Variants in CTIF observed in about 807,000 individuals in gnomAD.
CTIF encodes the protein cap binding complex dependent translation initiation factor.
A neutral mutation model predicts 66.0 loss-of-function variants in CTIF; 21 were observed. The ratio of observed to expected loss-of-function variants is 0.32; its 90% CI spans 0.23 to 0.46. The LOEUF is 0.46. Ranked by LOEUF, CTIF falls within the 20% of genes least tolerant of loss-of-function variation. The pLI is 1.00. For missense variants in CTIF, 739 were observed against 812.7 expected (o/e 0.91, Z 1.10); for synonymous variants, 345 against 326.4 (o/e 1.06, Z -0.62).
intron 10 of CTIF, among the ~76,000 whole-genome samples, chr18:48,856,832 G>C (rs1220701724): frequency 6.6e-6 from 1 of 152,234 alleles, no homozygotes; most frequent in East Asian, 1.9e-4. Flanking sequence ...AAATAGTGGT[G>C]ATGGTTGCAC....
intron 1 of CTIF, among the ~76,000 whole-genome samples, chr18:48,572,113 C>A (rs1453956027): frequency 6.6e-6 from 1 of 152,112 alleles, no homozygotes; most frequent in East Asian, 1.9e-4. Flanking sequence ...CCTTCCCCTC[C>A]CTCCTTTCTC....
chr18:48,641,432 A>T (rs2090928768), intron 3 of CTIF, among the ~76,000 whole-genome samples: 1 of 152,260 alleles, frequency 6.6e-6, no homozygotes. Flanking sequence ...GAACCTGATG[A>T]GCACGACTGC....
chr18:48,747,207 G>A (rs372202518), intron 7 of CTIF, among the ~76,000 whole-genome samples: 4 of 152,312 alleles, frequency 2.6e-5, no homozygotes, highest in Non-Finnish European at 4.4e-5. Context: ...TTCTTCATTC[G>A]TTAGCTCAAA....
At position 48,636,678 on chromosome 18, in the gene CTIF, C is replaced by A. The variant is rs2277712; in HGVS notation, c.245C>A (p.Pro82Gln). ...TCCTTCTCCCGAGGGCGAGCCCCCC[C>A]ACAGCAGGTAGGGAACCAGCTCTGC... ...SCSFSRGRAPPQQNGSKDNSL... is the reference protein window; with the variant it reads ...SCSFSRGRAPQQQNGSKDNSL... The change falls in exon 3 of 12, where the codon CCA becomes CAA. Residue 82 changes from proline (P) to glutamine (Q), a missense_variant. By Grantham distance (76) the Pro-to-Gln change is moderately conservative (BLOSUM62 -1). Transcript: ENST00000256413. 9.4e-6 allele frequency: 15 copies of A among 1,597,880 alleles called. No homozygotes were observed. Among genetic ancestry groups the A allele is most frequent in the African/African-American group, 4.0e-5 (3 of 74,446 alleles).
rs548607742 is a variant in CTIF, at chr18:48,760,343, T to G, written c.1072-1047T>G. ...TTTGGTTCTCAAGCCAGAGACTAGCTGCCCTTGGAACTTGATCCCACCATG... is the reference window on the plus strand; with the variant it reads ...TTTGGTTCTCAAGCCAGAGACTAGCGGCCCTTGGAACTTGATCCCACCATG... On this transcript the variant is annotated intron_variant, in intron 8 of 11. Coordinates refer to ENST00000256413, the MANE Select transcript of CTIF (RefSeq NM_014772.3). 2.0e-5 allele frequency: 3 copies of G among 152,272 alleles called. No homozygotes were observed. The East Asian group carries it at 5.8e-4, about 29-fold the overall frequency. 9.4% of individuals were successfully genotyped at this position (152,272 alleles called of 1,614,324 possible). A position where few individuals can be genotyped will look rare whatever the true frequency, so the allele number is the denominator to read the frequency against.
chr18:48,708,625 A>T (rs983810411), intron 6 of CTIF, among the ~76,000 whole-genome samples: 1 of 152,158 alleles, frequency 6.6e-6, no homozygotes, highest in African/African-American at 2.4e-5. Context: ...CCTGGCCTGG[A>T]TTGTTCCTGG....
intron 10 of CTIF, among the ~76,000 whole-genome samples, chr18:48,833,269 G>A (rs1342678637): frequency 6.6e-6 from 1 of 152,204 alleles, no homozygotes; most frequent in Non-Finnish European, 1.5e-5. Flanking sequence ...AGACTTGCTT[G>A]GCTAACGCTG....
At chr18:48,667,417 T>A (rs1277192465) in intron 5 of CTIF, among the ~76,000 whole-genome samples, 1 of 152,142 alleles carries the variant, frequency 6.6e-6, no homozygotes, top group Non-Finnish European at 1.5e-5. Flanking sequence ...CCTGGGCAGC[T>A]CCAGTCTCTC....
intron 7 of CTIF, among the ~76,000 whole-genome samples, chr18:48,725,974 C>A (rs76555283): frequency 0.016 from 2,380 of 152,230 alleles, 57 homozygotes; most frequent in African/African-American, 0.053. Context: ...GCCTAGACTT[C>A]ATTCGAGTCC....
At chr18:48,549,435 T>C (rs2088831806) in intron 1 of CTIF, among the ~76,000 whole-genome samples, 1 of 152,120 alleles carries the variant, frequency 6.6e-6, no homozygotes, top group African/African-American at 2.4e-5. Context: ...AAACAAGGTG[T>C]TTCAACTCAG....
At chr18:48,686,661 T>A (rs1210407072) in intron 6 of CTIF, among the ~76,000 whole-genome samples, 1 of 152,190 alleles carries the variant, frequency 6.6e-6, no homozygotes, top group Non-Finnish European at 1.5e-5. Context: ...AAAGTGTAGT[T>A]TCCTGGCTAT....
rs1555709753 is a variant in CTIF, at chr18:48,862,062, T to TTAAAGA, written c.*2503_*2504insTAAAGA. The TTAAAGA allele has an allele frequency of 6.6e-6, 1 of 150,456 alleles. No individual in the cohort carries two copies. Among genetic ancestry groups the TTAAAGA allele is most frequent in the African/African-American group, 2.5e-5 (1 of 39,962 alleles). The allele number at this position is 150,456 out of a possible 1,614,324, so 9.3% of individuals were successfully genotyped here. A position where few individuals can be genotyped will look rare whatever the true frequency, so the allele number is the denominator to read the frequency against. On this transcript the variant is annotated 3_prime_UTR_variant, in exon 12 of 12. Transcript: ENST00000256413. ...GAAAACGTTAAGACTATTTTTTTTT[T>TTAAAGA]AAAGAAACAACAGTCAAGCCTAAAA... is the stretch of plus-strand genomic sequence containing the variant.
At chr18:48,838,299 C>T (rs2068858765) in intron 10 of CTIF, among the ~76,000 whole-genome samples, 1 of 152,148 alleles carries the variant, frequency 6.6e-6, no homozygotes. Context: ...GAACTTTCAT[C>T]CCAGGCGAAA....
chr18:48,626,091 C>T (rs190533906), intron 2 of CTIF, among the ~76,000 whole-genome samples: 1 of 150,646 alleles, frequency 6.6e-6, no homozygotes, highest in South Asian at 2.1e-4. Flanking sequence ...AACCTCCCCC[C>T]ACCGCAGGTT....
At chr18:48,801,272 AC>A (rs1381359064) in intron 9 of CTIF, among the ~76,000 whole-genome samples, 1 of 152,022 alleles carries the variant, frequency 6.6e-6, no homozygotes, top group Non-Finnish European at 1.5e-5. Context: ...CTGGTCTATA[AC>A]CCCATATGGT....
chr18:48,824,548 T>G (rs759474714), intron 10 of CTIF, among the ~76,000 whole-genome samples: 1 of 152,198 alleles, frequency 6.6e-6, no homozygotes, highest in Non-Finnish European at 1.5e-5. Context: ...TATCATTGAA[T>G]GCCTCTCTCT....
chr18:48,778,610 C>T (rs1424534396), intron 9 of CTIF, among the ~76,000 whole-genome samples: 1 of 151,886 alleles, frequency 6.6e-6, no homozygotes, highest in Middle Eastern at 3.2e-3. Flanking sequence ...CTGATTTCTA[C>T]CCCTGAGCCA....
intron 7 of CTIF, among the ~76,000 whole-genome samples, chr18:48,722,352 A>G (rs1236074754): frequency 1.3e-5 from 2 of 151,688 alleles, no homozygotes; most frequent in East Asian, 1.9e-4. Context: ...AGTAACTGGG[A>G]CCACAGGCAC....
intron 6 of CTIF, among the ~76,000 whole-genome samples, chr18:48,698,337 C>G (rs1003405584): frequency 1.3e-5 from 2 of 151,826 alleles, no homozygotes; most frequent in Non-Finnish European, 2.9e-5. Context: ...GAGGGCCCAG[C>G]AGCTGGCATG....
Sources: gnomAD v4.1 joint callset for allele counts (sites outside exome capture counted in the v4.1 genomes callset) on GRCh38, gnomAD v4.1.1 for gene constraint, MANE v1.5 for transcripts, NCBI Gene and HGNC (gene_info 2026-07-23, HGNC 2026-07-21) for gene names.